The following GGTA1 variants were observed in gnomAD, a reference collection of about 807,000 sequenced individuals.
GGTA1 encodes glycoprotein alpha-galactosyltransferase 1 (inactive).
Under a neutral mutation model 2.6 loss-of-function variants are expected in GGTA1, and 5 were observed. The observed-to-expected ratio is 1.92, with a 90% CI of 1.00 to 4.04. The LOEUF (loss-of-function observed/expected upper bound fraction) is 4.04. Ranked by LOEUF, GGTA1 falls within the 30% of genes most tolerant of loss-of-function variation. The pLI is 0.00. For missense variants in GGTA1, 50 were observed against 16.7 expected (o/e 2.99, Z -3.47); for synonymous variants, 17 against 5.0 (o/e 3.38, Z -3.19).
intron 1 of GGTA1, among the ~76,000 whole-genome samples, chr9:121,473,743 T>C (rs1828443703): frequency 1.3e-5 from 2 of 151,992 alleles, no homozygotes; most frequent in African/African-American, 4.8e-5. Context: ...CTGGGCAACA[T>C]GGGGAAACCC....
chr9:121,483,525 A>C (rs1828697842), intron 1 of GGTA1, among the ~76,000 whole-genome samples: 2 of 152,224 alleles, frequency 1.3e-5, no homozygotes, highest in Non-Finnish European at 2.9e-5. Flanking sequence ...ACCGTAGCAA[A>C]TGAGCCTCGG....
At position 121,465,299 on chromosome 9, in the gene GGTA1, C is replaced by T. The variant is rs571277822; in HGVS notation, c.81-1971G>A. Among the ~76,000 whole-genome samples the T allele has an allele frequency of 1.3e-3, 202 of 152,354 alleles. 6 individuals carry two copies. The highest frequency in any genetic ancestry group is 1.2e-3 in the Non-Finnish European group (83 of 68,038). ...ACTCAGAGCTTGAAGGTTATCCAAG[C>T]AGACATTCCGACTCCAGGCAGGAAC... On this transcript the variant is annotated intron_variant, in intron 2 of 5. Transcript: ENST00000481799.
chr9:121,488,189 G>A (rs2118758700), intron 1 of GGTA1, among the ~76,000 whole-genome samples: 1 of 152,106 alleles, frequency 6.6e-6, no homozygotes, highest in East Asian at 1.9e-4. Context: ...TGCTCAGGCT[G>A]GAGTGCAGTG....
intron 2 of GGTA1, among the ~76,000 whole-genome samples, chr9:121,464,055 C>A (rs1043294295): frequency 3.3e-5 from 5 of 152,218 alleles, no homozygotes; most frequent in African/African-American, 7.2e-5. Flanking sequence ...GGTTCACCAA[C>A]TTTTCATATC....
chr9:121,463,405 T>C (rs1230131142), intron 2 of GGTA1, 77 bp from the exon 3 acceptor site: 1 of 437,840 alleles, frequency 2.3e-6, no homozygotes, highest in African/African-American at 2.0e-5. Context: ...CCATTATCAC[T>C]GAGCCCGGGG....
intron 1 of GGTA1, among the ~76,000 whole-genome samples, chr9:121,472,187 TG>T (rs1347813235): frequency 1.3e-5 from 2 of 152,210 alleles, no homozygotes; most frequent in African/African-American, 4.8e-5. Context: ...GCATAAATAT[TG>T]ATGTATTTTA....
At chr9:121,496,757 A>AAAAAAAAAAGAG (rs1554838784) in intron 1 of GGTA1, among the ~76,000 whole-genome samples, 13 of 111,968 alleles carry the variant, frequency 1.2e-4, no homozygotes, top group South Asian at 2.6e-4. Context: ...AAAAAAAAAA[A>AAAAAAAAAAGAG]AGAGAGAGAG....
chr9:121,446,546 C>G (rs968489808), exon 8 of GGTA1: 2 of 152,236 alleles, frequency 1.3e-5, no homozygotes, highest in Non-Finnish European at 2.9e-5. Flanking sequence ...AAGGGACAAC[C>G]CCTTACAATC....
At chr9:121,492,279 C>T (rs1004606121) in intron 1 of GGTA1, among the ~76,000 whole-genome samples, 3 of 151,976 alleles carry the variant, frequency 2.0e-5, no homozygotes, top group African/African-American at 7.3e-5. Context: ...TGTTTCATCG[C>T]AGGCGTTGCT....
intron 1 of GGTA1, among the ~76,000 whole-genome samples, chr9:121,493,669 C>T (rs1160290213): frequency 1.3e-5 from 2 of 151,686 alleles, no homozygotes; most frequent in South Asian, 4.2e-4. Context: ...TTTTTTCTAC[C>T]CAACCTCTCC....
chr9:121,494,253 A>G (rs1828941558), intron 1 of GGTA1, among the ~76,000 whole-genome samples: 2 of 152,220 alleles, frequency 1.3e-5, no homozygotes, highest in Admixed American at 6.5e-5. Context: ...AAATTTGAAC[A>G]GAAGGCAATG....
chr9:121,448,466 A>G (rs1332796943), intron 7 of GGTA1, among the ~76,000 whole-genome samples: 1 of 152,158 alleles, frequency 6.6e-6, no homozygotes, highest in African/African-American at 2.4e-5. Flanking sequence ...TTGTCCACAC[A>G]CCATCATCCA....
rs141234614 is a variant in GGTA1 at position 121,477,716 on chromosome 9, C to T, written c.-9-9785G>A. Among the ~76,000 whole-genome samples, 871 of 151,920 alleles carry T rather than the reference C, an allele frequency of 5.7e-3. 9 individuals are homozygous for T. Among genetic ancestry groups the T allele is most frequent in the South Asian group, 0.037 (176 of 4,800 alleles). ...TCAGCCACCCGAGTAGCTGGGACTA[C>T]AGGCACCCGCCACCACGCCCAGCTA... On this transcript the variant is annotated intron_variant, in intron 1 of 5. Coordinates refer to ENST00000481799, the MANE Select transcript of GGTA1 (RefSeq NM_001382585.1).
exon 8 of GGTA1, chr9:121,445,541 A>C (rs1290365044): frequency 6.6e-6 from 1 of 152,222 alleles, no homozygotes; most frequent in African/African-American, 2.4e-5. Flanking sequence ...ATATACGTGC[A>C]TAGGTACACA....
intron 1 of GGTA1, among the ~76,000 whole-genome samples, chr9:121,478,810 T>A (rs1233223951): frequency 6.6e-6 from 1 of 152,162 alleles, no homozygotes; most frequent in African/African-American, 2.4e-5. Context: ...AAAGGCTGAA[T>A]CCAGCCAGCT....
At chr9:121,475,949 C>A (rs6478513) in intron 1 of GGTA1, among the ~76,000 whole-genome samples, 14 of 152,144 alleles carry the variant, frequency 9.2e-5, no homozygotes, top group African/African-American at 3.1e-4. Context: ...CCTTAGGCCA[C>A]TTACTTTAAC....
exon 8 of GGTA1, chr9:121,446,483 A>C (rs151227273): frequency 6.6e-6 from 1 of 152,264 alleles, no homozygotes; most frequent in African/African-American, 2.4e-5. Flanking sequence ...GTTCTGCTGC[A>C]CAGTAACTCC....
intron 4 of GGTA1, among the ~76,000 whole-genome samples, chr9:121,461,002 A>G (rs2064956397): frequency 6.6e-6 from 1 of 152,218 alleles, no homozygotes; most frequent in Non-Finnish European, 1.5e-5. Flanking sequence ...ACTTGAGCCC[A>G]AGAGTTTGAA....
chr9:121,451,758 C>T (rs574548745), downstream of GGTA1, among the ~76,000 whole-genome samples: 62 of 152,216 alleles, frequency 4.1e-4, no homozygotes, highest in Non-Finnish European at 6.3e-4. Context: ...GGTCCTGGGC[C>T]GTAGAGCATA....
Sources: allele counts gnomAD v4.1 joint callset (sites outside exome capture counted in the v4.1 genomes callset), GRCh38; gene constraint gnomAD v4.1.1; transcripts MANE v1.5; gene names NCBI Gene and HGNC (gene_info 2026-07-23, HGNC 2026-07-21).